MED16: variants seen among roughly 807,000 people sequenced by gnomAD.
The protein encoded by MED16 is mediator complex subunit 16.
MED16 carries 81 observed loss-of-function variants against 84.4 expected under a neutral mutation model. That is an observed-to-expected ratio of 0.96 (90% CI 0.80 to 1.15). The LOEUF is 1.15. MED16 is among the 50% of genes most tolerant of loss of function. The pLI, the probability that MED16 is intolerant of heterozygous loss-of-function variation, is 0.00. For synonymous variants in MED16, 897 were observed against 552.2 expected (o/e 1.62, Z -8.76); for missense variants, 1,585 against 1,245.9 (o/e 1.27, Z -4.10).
At chr19:872,578 G>A (rs1387839116) in intron 11 of MED16, among the ~76,000 whole-genome samples, 1 of 151,764 alleles carries the variant, frequency 6.6e-6, no homozygotes, top group Non-Finnish European at 1.5e-5. Flanking sequence ...GGAGAAGGGC[G>A]GGCCCCAGGG....
In MED16 at chr19:868,104, C is replaced by G. The variant is rs770336881; in HGVS notation, c.2631G>C (p.Pro877=). 3 of 1,606,708 alleles carry G rather than the reference C, an allele frequency of 1.9e-6. No individual in the cohort carries two copies. The highest frequency in any genetic ancestry group is 1.7e-5 in the Admixed American group (1 of 58,120). Residue 877 remains proline (P), a synonymous_variant, in exon 16 of 16, where the codon CCG becomes CCC. Transcript: ENST00000325464. ...GGTCCGCCTGGACCCCCGGCCGTCA[C>G]GGACGGTCCTCTGGATGCAGATGGT... ...SLDHLHPEDR[P] is the part of the protein sequence containing the mutation.
intron 4 of MED16, among the ~76,000 whole-genome samples, chr19:887,153 A>G (rs2036543654): frequency 6.6e-6 from 1 of 152,130 alleles, no homozygotes; most frequent in Non-Finnish European, 1.5e-5. Flanking sequence ...AGTGTATCAT[A>G]CGTATCGTAC....
chr19:885,716 AGCAGT>A (rs2036511556), intron 5 of MED16, 49 bp downstream of exon 5: 4 of 1,574,748 alleles, frequency 2.5e-6, no homozygotes, highest in Non-Finnish European at 3.4e-6. Context: ...GACCCTGAGA[AGCAGT>A]GCTTCATTCC....
At chr19:882,129 G>T (rs543142711) in intron 6 of MED16, among the ~76,000 whole-genome samples, 7 of 152,370 alleles carry the variant, frequency 4.6e-5, no homozygotes, top group African/African-American at 1.7e-4. Context: ...CGCACCCACA[G>T]ATCCGCTGCC....
intron 4 of MED16, 132 bp from the exon 5 acceptor site, chr19:886,333 C>T (rs1035173553): frequency 2.0e-5 from 15 of 761,350 alleles, no homozygotes; most frequent in South Asian, 4.4e-5. Flanking sequence ...GATCCTGACT[C>T]GGCCACCTGA....
At chr19:872,914 G>A (rs994496220) in intron 11 of MED16, 8 of 1,042,078 alleles carry the variant, frequency 7.7e-6, no homozygotes, top group Non-Finnish European at 9.3e-6. Context: ...GCTTCTTACA[G>A]CAGAGGCTTC....
rs146740386 is a variant in MED16 at position 880,023 on chromosome 19, G to C, written c.1267C>G (p.Arg423Gly). The C allele has an allele frequency of 8.1e-6, 13 of 1,610,614 alleles. No individual in the cohort carries two copies. Among genetic ancestry groups the C allele is most frequent in the Non-Finnish European group, 1.1e-5 (13 of 1,179,000 alleles). ...AAGTGGACGGCGGGGCCCGCGGTGC[G>C]GGGGCGCTTCATGGCCGGCTCATCC... is the stretch of plus-strand genomic sequence containing the variant. ...PVDEPAMKRP[R>G]TAGPAVHLKA... The change falls in exon 8 of 16, where the codon CGC becomes GGC. Residue 423 changes from arginine (R) to glycine (G), a missense_variant. Physicochemically the swap from Arg to Gly is moderately radical, Grantham distance 125. Transcript: ENST00000325464.
At position 890,924 on chromosome 19, in the gene MED16, A is replaced by G. The variant is rs752815456; in HGVS notation, c.169+39T>C. The G allele has an allele frequency of 5.0e-6, 8 of 1,600,362 alleles. No individual in the cohort carries two copies. In the Admixed American group the frequency reaches 1.4e-4, roughly 27 times the overall value. On this transcript the variant is annotated intron_variant, in intron 2 of 15. Transcript: ENST00000325464. ...CACCTGGGGAACAGGGCGGGACACCATGCGGCCGGGAGGGGAAGCAGGTGG... is the reference window on the plus strand; with the variant it reads ...CACCTGGGGAACAGGGCGGGACACCGTGCGGCCGGGAGGGGAAGCAGGTGG...
In MED16 at chr19:875,192, A is replaced by C; in HGVS notation, c.1771+52T>G. 3 of 1,227,254 alleles carry C rather than the reference A, an allele frequency of 2.4e-6. No individual in the cohort carries two copies. In the South Asian group the frequency reaches 4.9e-5, roughly 20 times the overall value. 76.0% of individuals were successfully genotyped at this position (1,227,254 alleles called of 1,614,324 possible). A position where few individuals can be genotyped will look rare whatever the true frequency, so the allele number is the denominator to read the frequency against. On this transcript the variant is annotated intron_variant, in intron 10 of 15. Transcript: ENST00000325464. ...AGAGTAAAAAAAATAAATAAAAATAAAATAAATAGATGAAAGAAACCTCGA... is the reference window on the plus strand; with the variant it reads ...AGAGTAAAAAAAATAAATAAAAATACAATAAATAGATGAAAGAAACCTCGA...
intron 10 of MED16, among the ~76,000 whole-genome samples, chr19:873,879 C>A (rs2036162842): frequency 6.6e-6 from 1 of 152,188 alleles, no homozygotes; most frequent in South Asian, 2.1e-4. Context: ...GCCCGGCCTG[C>A]TGGTGCACAT....
intron 9 of MED16, among the ~76,000 whole-genome samples, chr19:876,049 G>T (rs758369248): frequency 1.1e-4 from 16 of 152,228 alleles, no homozygotes; most frequent in Admixed American, 2.0e-4. Flanking sequence ...GCTGTCACTG[G>T]CTACGGATCC....
chr19:876,850 C>T (rs1162550000), intron 9 of MED16, 124 bp downstream of exon 9: 14 of 907,712 alleles, frequency 1.5e-5, no homozygotes, highest in Non-Finnish European at 2.2e-5. Flanking sequence ...AGGGACAGCC[C>T]CACCTGGCAC....
At chr19:885,097 A>C in intron 5 of MED16, 89 bp from the exon 6 acceptor site, 1 of 981,088 alleles carries the variant, frequency 1.0e-6, no homozygotes, top group Non-Finnish European at 1.5e-6. Flanking sequence ...CCCTGGGGCC[A>C]CGCACTGCTG....
intron 9 of MED16, 122 bp downstream of exon 9, chr19:876,852 A>G: frequency 3.4e-6 from 3 of 873,250 alleles, no homozygotes; most frequent in Non-Finnish European, 4.9e-6. Context: ...GGACAGCCCC[A>G]CCTGGCACGG....
At chr19:869,784 G>A (rs919255684) in intron 13 of MED16, among the ~76,000 whole-genome samples, 4 of 152,198 alleles carry the variant, frequency 2.6e-5, no homozygotes, top group Non-Finnish European at 4.4e-5. Context: ...CCAGCCCTGA[G>A]CAATCAGTGG....
At chr19:874,155 C>T (rs113435198) in intron 10 of MED16, among the ~76,000 whole-genome samples, 149 of 151,944 alleles carry the variant, frequency 9.8e-4, no homozygotes, top group African/African-American at 3.6e-3. Flanking sequence ...ACTCTGTCGC[C>T]CAGGCTGGAG....
Position 873,582 on chromosome 19 carries a change from T to A in MED16, c.1772A>T (p.Asp591Val). ...TEICTKITDV[D>V]IDKVMINLKT... ...GAGGTTGATCATGACCTTGTCAATG[T>A]CTACAAGGAGACGTGGGTCGGGTCA... The change falls in exon 11 of 16, where the codon GAC becomes GTC. Residue 591 changes from aspartate to valine, a missense_variant and splice_region_variant. Physicochemically the swap from Asp to Val is radical, Grantham distance 152. Coordinates refer to ENST00000325464, the MANE Select transcript of MED16 (RefSeq NM_005481.3). 3.7e-6 allele frequency: 6 copies of A among 1,612,236 alleles called. No homozygotes were observed. Among genetic ancestry groups the A allele is most frequent in the Non-Finnish European group, 5.1e-6 (6 of 1,179,626 alleles).
intron 13 of MED16, among the ~76,000 whole-genome samples, chr19:869,793 G>A (rs1012267631): frequency 6.6e-6 from 1 of 152,210 alleles, no homozygotes. Context: ...AGCAATCAGT[G>A]GCTCAGAGGG....
chr19:870,177 C>T (rs993775478), intron 13 of MED16, among the ~76,000 whole-genome samples: 3 of 152,204 alleles, frequency 2.0e-5, no homozygotes, highest in Admixed American at 6.5e-5. Context: ...GAGGGATCTA[C>T]GGCGAGGCCT....
Sources: allele counts gnomAD v4.1 joint callset (sites outside exome capture counted in the v4.1 genomes callset), GRCh38; gene constraint gnomAD v4.1.1; transcripts MANE v1.5; gene names NCBI Gene and HGNC (gene_info 2026-07-23, HGNC 2026-07-21).